VKORC1: variants seen among roughly 807,000 people sequenced by gnomAD.
VKORC1 encodes phylloquinone epoxide reductase.
Under a neutral mutation model 14.8 loss-of-function variants are expected in VKORC1, and 12 were observed. The observed-to-expected ratio is 0.81, with a 90% CI of 0.52 to 1.31. The LOEUF (loss-of-function observed/expected upper bound fraction) is 1.31, where lower values mean the gene tolerates loss of function less well. Ranked by LOEUF, VKORC1 falls within the 50% of genes most tolerant of loss-of-function variation. VKORC1 has a pLI of 0.00. For missense variants in VKORC1, 223 were observed against 215.3 expected, an observed-to-expected ratio of 1.04 and a Z score of -0.22; for synonymous variants, 94 against 92.5, an observed-to-expected ratio of 1.02 and a Z score of -0.09.
intron 1 of VKORC1, chr16:31,093,832 C>A (rs1170402966): frequency 3.6e-6 from 1 of 278,338 alleles, no homozygotes; most frequent in African/African-American, 2.2e-5. Flanking sequence ...TTAGCCCCCC[C>A]GAGTAGCTGG....
Position 31,091,005 on chromosome 16 carries a change from A to G in VKORC1, c.*129T>C. ...ATTTGGTCCATTGTCATGTGCGGGT[A>G]TGGCAGGAGGAGGGGGTAATCTAGA... is the stretch of plus-strand genomic sequence containing the variant. On this transcript the variant is annotated 3_prime_UTR_variant, in exon 3 of 3. Transcript: ENST00000394975. 7.6e-6 allele frequency: 11 copies of G among 1,453,700 alleles called. No homozygotes were observed. Among genetic ancestry groups the G allele is most frequent in the Non-Finnish European group, 1.0e-5 (11 of 1,070,388 alleles). The allele number at this position is 1,453,700 out of a possible 1,614,324, so 90.1% of individuals were successfully genotyped here.
rs2143902022 is a variant in VKORC1, at chr16:31,091,034, C to T, written c.*100G>A. On this transcript the variant is annotated 3_prime_UTR_variant, in exon 3 of 3. Coordinates refer to ENST00000394975, the MANE Select transcript of VKORC1 (RefSeq NM_024006.6). The stretch of plus-strand genomic sequence containing the variant: ...CAGGAGGAGGGGGTAATCTAGAAGC[C>T]CCACATCTAGGGCCTTCTAGGGACC... 6.5e-7 allele frequency: 1 copy of T among 1,543,888 alleles called. No individual in the cohort carries two copies. The highest frequency in any genetic ancestry group is 8.8e-7 in the Non-Finnish European group (1 of 1,142,524).
In VKORC1 at chr16:31,091,051, C is replaced by T; in HGVS notation, c.*83G>A. On this transcript the variant is annotated 3_prime_UTR_variant, in exon 3 of 3. Coordinates refer to ENST00000394975, the MANE Select transcript of VKORC1 (RefSeq NM_024006.6). ...CTAGAAGCCCCACATCTAGGGCCTT[C>T]TAGGGACCCAGATATGCCCCCTTAG... 6.4e-7 allele frequency: 1 copy of T among 1,567,590 alleles called. No individual in the cohort carries two copies. The highest frequency in any genetic ancestry group is 8.6e-7 in the Non-Finnish European group (1 of 1,156,190).
chr16:31,093,379 C>G lies in VKORC1; in HGVS notation c.216G>C (p.Gln72His), dbSNP rs777358300. 1 of 1,614,174 alleles carries G rather than the reference C, an allele frequency of 6.2e-7. No homozygotes were observed. Among genetic ancestry groups the G allele is most frequent in the East Asian group, 2.2e-5 (1 of 44,874 alleles). ...TGTTGGATTGATTGAGGATGCTGTC[C>G]TGTCCCAGCACATGCTCCACCAGCC... ...GFGLVEHVLG[Q>H]DSILNQSNSI... The change falls in exon 2 of 3, where the codon CAG (glutamine) becomes CAC (histidine). Residue 72 changes from glutamine (Q) to histidine (H), a missense_variant. Coordinates refer to ENST00000394975, the MANE Select transcript of VKORC1 (RefSeq NM_024006.6).
intron 1 of VKORC1, chr16:31,093,699 CTTTTTTTTTTTTT>C (rs71151446): frequency 1.5e-4 from 10 of 68,082 alleles, no homozygotes; most frequent in African/African-American, 4.4e-4. Flanking sequence ...AAGTAAGTCT[CTTTTTTTTTTTTT>C]TTTTTTTTTT....
rs2057284786 is a variant in VKORC1, at chr16:31,091,009, CAGG to C, written c.*122_*124del. 1 of 1,477,888 alleles carries C rather than the reference CAGG, an allele frequency of 6.8e-7. No individual in the cohort carries two copies. The highest frequency in any genetic ancestry group is 9.2e-7 in the Non-Finnish European group (1 of 1,091,470). The allele number at this position is 1,477,888 out of a possible 1,614,324, so 91.5% of individuals were successfully genotyped here. On this transcript the variant is annotated 3_prime_UTR_variant, in exon 3 of 3. Coordinates refer to ENST00000394975, the MANE Select transcript of VKORC1 (RefSeq NM_024006.6). Reference sequence around the variant, plus strand: ...GGTCCATTGTCATGTGCGGGTATGGCAGGAGGAGGGGGTAATCTAGAAGCCCCA... The same window carrying C: ...GGTCCATTGTCATGTGCGGGTATGGCAGGAGGGGGTAATCTAGAAGCCCCA...
chr16:31,091,414 G>A, intron 2 of VKORC1, 72 bp from the exon 3 acceptor site: 1 of 1,560,308 alleles, frequency 6.4e-7, no homozygotes, highest in East Asian at 2.4e-5. Context: ...TGATGTCACT[G>A]CACTACCTAG....
At chr16:31,092,715 T>A (rs977872852) in intron 2 of VKORC1, 4 of 1,266,016 alleles carry the variant, frequency 3.2e-6, no homozygotes, top group Non-Finnish European at 3.1e-6. Flanking sequence ...ATGCTCAGCT[T>A]CTCCTTAAAA....
rs201984906 is a variant in VKORC1, at chr16:31,093,402, G to A, written c.193C>T (p.Leu65=). 1.9e-6 allele frequency: 3 copies of A among 1,614,164 alleles called. No homozygotes were observed. The highest frequency in any genetic ancestry group is 2.7e-5 in the African/African-American group (2 of 75,048). The change falls in exon 2 of 3, where the codon CTG becomes TTG. Residue 65 remains leucine (L), a synonymous_variant. Transcript: ENST00000394975. ...TCCTGTCCCAGCACATGCTCCACCA[G>A]CCCGAAACCCCTGCCCCACCTGGCA... is the stretch of plus-strand genomic sequence containing the variant. ...FSSRWGRGFG[L]VEHVLGQDSI... is the part of the protein sequence containing the mutation.
Position 31,094,635 on chromosome 16 carries a change from G to A in VKORC1, c.95C>T (p.Ala32Val), listed in dbSNP as rs111897490. Residue 32 changes from alanine (A) to valine (V), a missense_variant, in exon 1 of 3, where the codon GCG (alanine) becomes GTG (valine). Physicochemically the swap from Ala to Val is moderately conservative, Grantham distance 64 (BLOSUM62 0). Coordinates refer to ENST00000394975, the MANE Select transcript of VKORC1 (RefSeq NM_024006.6). ...GCGGTAATCCCGGTCCCGGGCGCGC[G>A]CCGCCTTCACGTGCAGCGCGTAGAG... ...LSLYALHVKA[A>V]RARDRDYRAL... 6.2e-7 allele frequency: 1 copy of A among 1,606,036 alleles called. No homozygotes were observed. The highest frequency in any genetic ancestry group is 8.5e-7 in the Non-Finnish European group (1 of 1,177,936).
In VKORC1 at chr16:31,094,699, C is replaced by A; in HGVS notation, c.31G>T (p.Val11Leu). The change falls in exon 1 of 3, where the codon GTG (valine) becomes TTG (leucine). Residue 11 changes from valine to leucine, a missense_variant. Coordinates refer to ENST00000394975, the MANE Select transcript of VKORC1 (RefSeq NM_024006.6). Reference sequence around the variant, plus strand: ...CCCGTCAGGCAAAGAGCGAGCCGCACCCAGCCAGGGCTCCCCCAGGTGCTG... The same window carrying A: ...CCCGTCAGGCAAAGAGCGAGCCGCAACCAGCCAGGGCTCCCCCAGGTGCTG... The part of the protein sequence containing the change: MGSTWGSPGW[V>L]RLALCLTGLV... The A allele has an allele frequency of 1.9e-6, 3 of 1,608,656 alleles. No homozygotes were observed. The highest frequency in any genetic ancestry group is 2.5e-6 in the Non-Finnish European group (3 of 1,179,012).
rs183282739 is a variant in VKORC1 at position 31,093,549 on chromosome 16, A to C, written c.174-128T>G. ...CCTCTGTTCCCCGACCTCCCATCCT[A>C]GTCCAAGGGTCGATGATCTCCTGGC... On this transcript the variant is annotated intron_variant, in intron 1 of 2. Transcript: ENST00000394975. 6.4e-5 allele frequency: 99 copies of C among 1,550,424 alleles called. No individual in the cohort carries two copies. The East Asian group carries it at 2.2e-3, about 34-fold the overall frequency.
At chr16:31,093,228 C>T in intron 2 of VKORC1, 84 bp downstream of exon 2, 1 of 1,376,520 alleles carries the variant, frequency 7.3e-7, no homozygotes. Context: ...TGTGGATCAC[C>T]AAGATTGCAT....
intron 2 of VKORC1, among the ~76,000 whole-genome samples, chr16:31,092,628 CT>C (rs1198936078): frequency 6.6e-6 from 1 of 152,168 alleles, no homozygotes; most frequent in African/African-American, 2.4e-5. Flanking sequence ...CTTCCACTCC[CT>C]TGGTTCCTCT....
rs1321666296 is a variant in VKORC1, at chr16:31,091,223, A to G, written c.403T>C (p.Cys135Arg). 4 of 1,614,090 alleles carry G rather than the reference A, an allele frequency of 2.5e-6. No individual in the cohort carries two copies. Among genetic ancestry groups the G allele is most frequent in the Non-Finnish European group, 3.4e-6 (4 of 1,180,056 alleles). Residue 135 changes from cysteine (C) to arginine (R), a missense_variant, in exon 3 of 3, where the codon TGT becomes CGT. Coordinates refer to ENST00000394975, the MANE Select transcript of VKORC1 (RefSeq NM_024006.6). ...ACGTTGATAGCATAGGTGGTGATAC[A>G]AACAATGCAGAAATCATAGAGCACG... ...FFVLYDFCIV[C>R]ITTYAINVSL...
At position 31,094,681 on chromosome 16, in the gene VKORC1, G is replaced by A; in HGVS notation, c.49C>T (p.Leu17=). 6.2e-7 allele frequency: 1 copy of A among 1,608,210 alleles called. No homozygotes were observed. Among genetic ancestry groups the A allele is most frequent in the Non-Finnish European group, 8.5e-7 (1 of 1,178,906 alleles). The change falls in exon 1 of 3, where the codon CTG becomes TTG. Residue 17 remains leucine, a synonymous_variant. Coordinates refer to ENST00000394975, the MANE Select transcript of VKORC1 (RefSeq NM_024006.6). ...TAGAGCGAGAGCACTAAGCCCGTCA[G>A]GCAAAGAGCGAGCCGCACCCAGCCA... The part of the protein sequence containing the change: ...SPGWVRLALC[L]TGLVLSLYAL...
chr16:31,093,539 C>T, intron 1 of VKORC1, 118 bp from the exon 2 acceptor site: 3 of 1,559,968 alleles, frequency 1.9e-6, no homozygotes, highest in Non-Finnish European at 2.6e-6. Context: ...GTTCCCCGAC[C>T]TCCCATCCTA....
intron 1 of VKORC1, chr16:31,094,142 T>C: frequency 6.5e-7 from 1 of 1,543,342 alleles, no homozygotes; most frequent in Non-Finnish European, 8.7e-7. Context: ...GCCTCCTCTG[T>C]ATTCCGTCAT....
chr16:31,094,242 C>T, intron 1 of VKORC1: 1 of 1,608,122 alleles, frequency 6.2e-7, no homozygotes, highest in Non-Finnish European at 8.5e-7. Context: ...CACCTGCGCG[C>T]CGTCCTTGAG....
Sources: gnomAD v4.1 joint callset for allele counts (sites outside exome capture counted in the v4.1 genomes callset) on GRCh38, gnomAD v4.1.1 for gene constraint, MANE v1.5 for transcripts, NCBI Gene and HGNC (gene_info 2026-07-23, HGNC 2026-07-21) for gene names.